Variants in NRXN3 observed in about 807,000 individuals in gnomAD.
NRXN3 encodes neurexin 3, also known as neurexin III.
A neutral mutation model predicts 137.6 loss-of-function variants in NRXN3; 32 were observed. The ratio of observed to expected loss-of-function variants is 0.23; its 90% CI spans 0.18 to 0.31. The LOEUF (loss-of-function observed/expected upper bound fraction) is 0.31. Among genes scored for constraint, NRXN3 ranks in the 10% least tolerant of loss-of-function variants. The probability of loss-of-function intolerance (pLI) is 1.00; values close to 1 mark genes in which losing one functional copy is unlikely to be tolerated. For synonymous variants in NRXN3, 798 were observed against 784.5 expected, an observed-to-expected ratio of 1.02 and a Z score of -0.29; for missense variants, 1,574 against 2,062.5, an observed-to-expected ratio of 0.76 and a Z score of 4.59.
intron 14 of NRXN3, among the ~76,000 whole-genome samples, chr14:78,985,488 A>C (rs2099501036): frequency 6.6e-6 from 1 of 152,214 alleles, no homozygotes; most frequent in South Asian, 2.1e-4. Flanking sequence ...TTATTGTTTG[A>C]AGTTATTGAC....
chr14:79,209,439 TAA>T (rs1463257310), intron 15 of NRXN3, among the ~76,000 whole-genome samples: 1 of 151,728 alleles, frequency 6.6e-6, no homozygotes, highest in Non-Finnish European at 1.5e-5. Flanking sequence ...TCACAATGGG[TAA>T]AGTGTTATAA....
chr14:78,256,090 G>C (rs1388888958), intron 2 of NRXN3, among the ~76,000 whole-genome samples: 3 of 149,780 alleles, frequency 2.0e-5, no homozygotes, highest in African/African-American at 7.4e-5. Context: ...TTTTTTTTTT[G>C]GTTTGTTTAC....
intron 10 of NRXN3, among the ~76,000 whole-genome samples, chr14:78,870,234 A>G (rs1378333272): frequency 6.6e-6 from 1 of 152,172 alleles, no homozygotes; most frequent in East Asian, 1.9e-4. Context: ...AGTTTTGATC[A>G]AGTAAAAAAG....
intron 1 of NRXN3, among the ~76,000 whole-genome samples, chr14:78,228,139 A>G (rs11628567): frequency 0.41 from 62,328 of 150,348 alleles, 13,198 homozygotes; most frequent in African/African-American, 0.47. Context: ...TTATGGGAGA[A>G]ATCGCTGAAT....
intron 3 of NRXN3, among the ~76,000 whole-genome samples, chr14:78,279,937 A>G (rs2074166663): frequency 6.6e-6 from 1 of 152,232 alleles, no homozygotes; most frequent in African/African-American, 2.4e-5. Flanking sequence ...TAAAAGTAGA[A>G]TACAGTTATT....
At chr14:79,476,835 A>G (rs1484291325) in intron 16 of NRXN3, among the ~76,000 whole-genome samples, 3 of 152,148 alleles carry the variant, frequency 2.0e-5, no homozygotes, top group African/African-American at 4.8e-5. Flanking sequence ...TTTTCCCAAG[A>G]TAGCACTACT....
At chr14:78,402,778 T>C in intron 4 of NRXN3, among the ~76,000 whole-genome samples, 1 of 152,194 alleles carries the variant, frequency 6.6e-6, no homozygotes, top group East Asian at 1.9e-4. Flanking sequence ...AGAATACTGA[T>C]TAGACATATC....
chr14:79,470,773 T>C (rs1328987092), intron 16 of NRXN3, among the ~76,000 whole-genome samples: 1 of 152,066 alleles, frequency 6.6e-6, no homozygotes, highest in Non-Finnish European at 1.5e-5. Context: ...AAACCTAAAG[T>C]ACTTTGGTGC....
intron 19 of NRXN3, among the ~76,000 whole-genome samples, chr14:79,786,677 G>A (rs1044378973): frequency 5.9e-5 from 9 of 152,204 alleles, no homozygotes; most frequent in Admixed American, 1.3e-4. Context: ...TAATGTGTGC[G>A]TCGAAGGGAA....
chr14:79,300,641 T>TA lies in NRXN3; in HGVS notation c.3263-166578dup, dbSNP rs538261534. On this transcript the variant is annotated intron_variant, in intron 15 of 20. Coordinates refer to ENST00000335750, the MANE Select transcript of NRXN3 (RefSeq NM_001330195.2). The stretch of plus-strand genomic sequence containing the variant: ...CAGGGCTGCCTCCCAGAGAGGTATA[T>TA]AACAGGAGCAGCAACTCTTGAGAGC... Among the ~76,000 whole-genome samples, 21 of 152,162 alleles carry TA rather than the reference T, an allele frequency of 1.4e-4. No homozygotes were observed. The South Asian group carries it at 4.4e-3, about 32-fold the overall frequency.
rs556352508 is a variant in NRXN3, at chr14:79,602,424, A to G, written c.3445-61354A>G. ...CTCACCCTACTCTTTCTTCTCGGCT[A>G]CAAGTTTTGCCATAGTGCACAGTGT... On this transcript the variant is annotated intron_variant, in intron 16 of 20. Coordinates refer to ENST00000335750, the MANE Select transcript of NRXN3 (RefSeq NM_001330195.2). Among the ~76,000 whole-genome samples, 11 of 152,328 alleles carry G rather than the reference A, an allele frequency of 7.2e-5. No individual in the cohort carries two copies. The East Asian group carries it at 2.1e-3, about 29-fold the overall frequency.
chr14:79,375,064 G>A (rs1355147563), intron 15 of NRXN3, among the ~76,000 whole-genome samples: 1 of 152,064 alleles, frequency 6.6e-6, no homozygotes, highest in East Asian at 1.9e-4. Flanking sequence ...TCCACCTAGT[G>A]CTCCTGATTA....
intron 4 of NRXN3, among the ~76,000 whole-genome samples, chr14:78,498,280 G>T (rs2095822010): frequency 1.3e-5 from 2 of 152,188 alleles, no homozygotes; most frequent in Non-Finnish European, 2.9e-5. Flanking sequence ...ATATCAGAGG[G>T]AGATGATCCT....
chr14:78,400,523 C>T (rs1410844885), intron 4 of NRXN3, among the ~76,000 whole-genome samples: 2 of 152,098 alleles, frequency 1.3e-5, no homozygotes, highest in African/African-American at 2.4e-5. Flanking sequence ...TAAAAGGTAC[C>T]GCAAAAATAC....
At chr14:78,428,702 C>T (rs1263127132) in intron 4 of NRXN3, among the ~76,000 whole-genome samples, 2 of 152,136 alleles carry the variant, frequency 1.3e-5, no homozygotes, top group East Asian at 1.9e-4. Context: ...AGTCTAAAGA[C>T]TGGCAGGTCT....
At chr14:79,359,331 G>C (rs905482217) in intron 15 of NRXN3, among the ~76,000 whole-genome samples, 12 of 152,252 alleles carry the variant, frequency 7.9e-5, no homozygotes, top group African/African-American at 2.9e-4. Flanking sequence ...CCTTGCAAGG[G>C]TGATTCCCTA....
At chr14:78,794,447 T>C (rs2098815023) in intron 8 of NRXN3, among the ~76,000 whole-genome samples, 1 of 152,166 alleles carries the variant, frequency 6.6e-6, no homozygotes, top group African/African-American at 2.4e-5. Flanking sequence ...TTTAATAATA[T>C]CTTTTGTAAA....
chr14:79,670,401 G>T (rs893636180), intron 17 of NRXN3, among the ~76,000 whole-genome samples: 1 of 152,060 alleles, frequency 6.6e-6, no homozygotes, highest in African/African-American at 2.4e-5. Context: ...AGGGCCCCTG[G>T]CCCTGTCACT....
intron 16 of NRXN3, among the ~76,000 whole-genome samples, chr14:79,532,839 A>T (rs2097181360): frequency 1.3e-5 from 2 of 152,172 alleles, no homozygotes; most frequent in African/African-American, 2.4e-5. Context: ...TTAATAAATA[A>T]ATGTCACTTG....
Sources: gnomAD v4.1 joint callset for allele counts (sites outside exome capture counted in the v4.1 genomes callset) on GRCh38, gnomAD v4.1.1 for gene constraint, MANE v1.5 for transcripts, NCBI Gene and HGNC (gene_info 2026-07-23, HGNC 2026-07-21) for gene names.